The following DMD variants were observed in gnomAD, a reference collection of about 807,000 sequenced individuals.
DMD encodes mutant dystrophin.
In DMD, 63 loss-of-function variants were observed where a neutral mutation model predicts 330.1. The ratio of observed to expected loss-of-function variants is 0.19; its 90% CI spans 0.16 to 0.24. The LOEUF is 0.24. Among genes scored for constraint, DMD ranks in the 10% least tolerant of loss-of-function variants. DMD has a pLI of 1.00. For missense variants in DMD, 3,344 were observed against 2,684.1 expected, an observed-to-expected ratio of 1.25 and a Z score of -5.43; for synonymous variants, 1,223 against 959.8, an observed-to-expected ratio of 1.27 and a Z score of -5.07.
chrX:32,400,461 T>C (rs1349655538), intron 30 of DMD, among the ~76,000 whole-genome samples: 5 of 111,360 alleles, frequency 4.5e-5, no homozygotes, highest in South Asian at 7.5e-4. Context: ...ATCAGAATGA[T>C]GCTGGCCTCA....
At chrX:31,250,500 C>T (rs1410465328) in intron 63 of DMD, among the ~76,000 whole-genome samples, 1 of 112,211 alleles carries the variant, frequency 8.9e-6, no homozygotes, top group Non-Finnish European at 1.9e-5. Flanking sequence ...ACCTGAGTCA[C>T]TTGATTTGAG....
chrX:33,070,671 CTCTATATA>C (rs1452229949), intron 1 of DMD, among the ~76,000 whole-genome samples: 108 of 43,995 alleles, frequency 2.5e-3, no homozygotes, highest in African/African-American at 4.6e-3. Context: ...CTCTCTCTCT[CTCTATATA>C]TATATATATA....
chrX:32,731,183 C>G (rs749955587), intron 7 of DMD, among the ~76,000 whole-genome samples: 9 of 112,069 alleles, frequency 8.0e-5, no homozygotes, highest in East Asian at 2.8e-4. Flanking sequence ...CACACCCACC[C>G]GAATACTGCG....
At position 32,468,672 on chromosome X, in the gene DMD, T is replaced by C. The variant is rs148835707; in HGVS notation, c.2988A>G (p.Leu996=). Residue 996 remains leucine, a synonymous_variant, in exon 23 of 79, where the codon CTA becomes CTG. Coordinates refer to ENST00000357033, the MANE Select transcript of DMD (RefSeq NM_004006.3). ...CTTTCACAGTGGTGCTGAGATAGTA[T>C]AGGCCACTTTGTTGCTCTTGCAGAG... ...QSSLQEQQSG[L]YYLSTTVKEM... 3.0e-4 allele frequency: 360 copies of C among 1,209,470 alleles called. No individual in the cohort carries two copies. Among genetic ancestry groups the C allele is most frequent in the Non-Finnish European group, 3.9e-4 (353 of 894,994 alleles).
chrX:32,374,796 G>C (rs914330193), intron 34 of DMD, among the ~76,000 whole-genome samples: 1 of 111,203 alleles, frequency 9.0e-6, no homozygotes, highest in Non-Finnish European at 1.9e-5. Context: ...GCCCTTTCTT[G>C]GTTCCATATG....
intron 55 of DMD, among the ~76,000 whole-genome samples, chrX:31,524,162 G>A (rs190848313): frequency 2.7e-5 from 3 of 112,058 alleles, no homozygotes; most frequent in East Asian, 5.6e-4. Flanking sequence ...AGAGCAGAAC[G>A]CTTCCTTCAG....
intron 52 of DMD, among the ~76,000 whole-genome samples, chrX:31,696,707 G>C (rs576572999): frequency 2.9e-4 from 32 of 111,944 alleles, no homozygotes; most frequent in Middle Eastern, 9.2e-3. Context: ...TTTAAAAAAG[G>C]TGTCACGTGT....
At chrX:31,194,432 A>C (rs2042682610) in intron 67 of DMD, among the ~76,000 whole-genome samples, 1 of 112,193 alleles carries the variant, frequency 8.9e-6, no homozygotes. Context: ...TCATCCTTTA[A>C]GAAAATGGTG....
chrX:32,388,418 A>G (rs1207042807), intron 32 of DMD, among the ~76,000 whole-genome samples: 1 of 101,332 alleles, frequency 9.9e-6, no homozygotes, highest in Non-Finnish European at 2.0e-5. Flanking sequence ...AATATCAACT[A>G]ACTACTTTCT....
chrX:31,547,227 T>C (rs1283473241), intron 55 of DMD, among the ~76,000 whole-genome samples: 1 of 112,223 alleles, frequency 8.9e-6, no homozygotes, highest in Non-Finnish European at 1.9e-5. Context: ...TTTCAATTCA[T>C]ACAAAGACTG....
At chrX:32,438,684 A>G (rs1291150247) in intron 28 of DMD, among the ~76,000 whole-genome samples, 3 of 111,804 alleles carry the variant, frequency 2.7e-5, no homozygotes, top group Non-Finnish European at 5.6e-5. Context: ...GAGGTAAAAC[A>G]CTAAATTTCT....
chrX:32,848,540 A>AG (rs1450376294), intron 3 of DMD, among the ~76,000 whole-genome samples: 1 of 111,543 alleles, frequency 9.0e-6, no homozygotes, highest in Non-Finnish European at 1.9e-5. Context: ...TATTAGTACA[A>AG]GTTCAGACTT....
At chrX:32,751,622 C>A (rs73458852) in intron 7 of DMD, among the ~76,000 whole-genome samples, 1,620 of 112,469 alleles carry the variant, frequency 0.014, 29 homozygotes, top group African/African-American at 0.049. Flanking sequence ...AAGAAATTCA[C>A]GCCCACTGCA....
intron 43 of DMD, among the ~76,000 whole-genome samples, chrX:32,257,104 A>G (rs1027763370): frequency 8.0e-5 from 9 of 112,120 alleles, no homozygotes; most frequent in Admixed American, 7.6e-4. Flanking sequence ...AATACAACTT[A>G]CAAGGGATGT....
At chrX:33,032,656 TAAAAC>T (rs2094135324) in intron 1 of DMD, among the ~76,000 whole-genome samples, 1 of 112,297 alleles carries the variant, frequency 8.9e-6, no homozygotes, top group Non-Finnish European at 1.9e-5. Context: ...ATTTAAACAT[TAAAAC>T]AAGCAGGTTG....
chrX:33,112,274 T>C (rs1354508133), intron 1 of DMD, among the ~76,000 whole-genome samples: 1 of 111,495 alleles, frequency 9.0e-6, no homozygotes, highest in Non-Finnish European at 1.9e-5. Flanking sequence ...TATATGTGTA[T>C]GTATATAAGA....
chrX:32,649,277 G>A (rs1474497126), intron 9 of DMD, among the ~76,000 whole-genome samples: 2 of 110,390 alleles, frequency 1.8e-5, no homozygotes, highest in Non-Finnish European at 3.8e-5. Context: ...GGAAGAGGCC[G>A]GGTGCGGTGG....
intron 1 of DMD, among the ~76,000 whole-genome samples, chrX:33,074,843 C>T (rs970281878): frequency 3.6e-5 from 4 of 111,716 alleles, no homozygotes; most frequent in East Asian, 5.7e-4. Context: ...GGGATCTAAT[C>T]TAGCCAACTC....
chrX:33,298,060 A>C (rs1482430305), intron 1 of DMD, among the ~76,000 whole-genome samples: 1 of 111,246 alleles, frequency 9.0e-6, no homozygotes, highest in African/African-American at 3.3e-5. Context: ...ATTTCTCAAT[A>C]ATACCTCCAT....
Sources: allele counts gnomAD v4.1 joint callset (sites outside exome capture counted in the v4.1 genomes callset), GRCh38; gene constraint gnomAD v4.1.1; transcripts MANE v1.5; gene names NCBI Gene and HGNC (gene_info 2026-07-23, HGNC 2026-07-21).